The following PLAA variants were observed in gnomAD, a reference collection of about 807,000 sequenced individuals.
PLAA encodes phospholipase A-2-activating protein.
PLAA carries 48 observed loss-of-function variants against 84.1 expected under a neutral mutation model. The ratio of observed to expected loss-of-function variants is 0.57; its 90% CI spans 0.45 to 0.73. The LOEUF (loss-of-function observed/expected upper bound fraction) is 0.73, where lower values mean the gene tolerates loss of function less well. PLAA is among the 30% of genes least tolerant of loss of function. The probability of loss-of-function intolerance (pLI) is 0.00; values close to 1 mark genes in which losing one functional copy is unlikely to be tolerated. For missense variants in PLAA, 903 were observed against 954.7 expected (o/e 0.95, Z 0.71); for synonymous variants, 392 against 336.6 (o/e 1.16, Z -1.80).
Position 26,905,663 on chromosome 9 carries a change from G to C in PLAA, c.2236C>G (p.Leu746Val). The change falls in exon 14 of 14, where the codon CTT (leucine) becomes GTT (valine). Residue 746 changes from leucine (L) to valine (V), a missense_variant. By Grantham distance (32) the Leu-to-Val change is conservative. Coordinates refer to ENST00000397292, the MANE Select transcript of PLAA (RefSeq NM_001031689.3). ...CTGATAAGTGTTCCAAGAGCCACAA[G>C]AAGTCTAAAAGTGGCTTCTAGGTCT... is the stretch of plus-strand genomic sequence containing the variant. The part of the protein sequence containing the change: ...VQDLEATFRL[L>V]VALGTLISDD... The C allele has an allele frequency of 5.6e-6, 9 of 1,614,200 alleles. No homozygotes were observed. The highest frequency in any genetic ancestry group is 7.6e-6 in the Non-Finnish European group (9 of 1,180,016).
At chr9:26,930,261 C>G (rs539432015) in intron 2 of PLAA, among the ~76,000 whole-genome samples, 228 of 152,054 alleles carry the variant, frequency 1.5e-3, no homozygotes, top group Middle Eastern at 3.4e-3. Context: ...CCCGCCACCA[C>G]GCCCAGCTAA....
chr9:26,935,378 T>A (rs532623864), intron 1 of PLAA, among the ~76,000 whole-genome samples, 172 bp from the exon 2 acceptor site: 2 of 152,174 alleles, frequency 1.3e-5, no homozygotes, highest in East Asian at 3.8e-4. Flanking sequence ...TGAACTACTA[T>A]AGAGAATTAC....
chr9:26,944,551 G>A (rs113587065), intron 1 of PLAA, among the ~76,000 whole-genome samples: 255 of 152,102 alleles, frequency 1.7e-3, no homozygotes, highest in African/African-American at 5.8e-3. Context: ...CTTTGGCCAC[G>A]CATAAAATAC....
intron 1 of PLAA, among the ~76,000 whole-genome samples, chr9:26,936,969 C>A (rs546861151): frequency 6.6e-6 from 1 of 151,940 alleles, no homozygotes; most frequent in Non-Finnish European, 1.5e-5. Flanking sequence ...GGTGAAACCC[C>A]GTCTCTACTA....
At chr9:26,943,745 G>C (rs896377701) in intron 1 of PLAA, among the ~76,000 whole-genome samples, 2 of 152,048 alleles carry the variant, frequency 1.3e-5, no homozygotes, top group East Asian at 3.9e-4. Flanking sequence ...CCAGGAGTTT[G>C]AGACCAGCCT....
chr9:26,946,171 C>T (rs907605220), intron 1 of PLAA, among the ~76,000 whole-genome samples: 4 of 152,190 alleles, frequency 2.6e-5, no homozygotes, highest in African/African-American at 9.7e-5. Context: ...TTTCTCTGAA[C>T]TGCAATCTGT....
At chr9:26,942,632 G>C (rs977032453) in intron 1 of PLAA, among the ~76,000 whole-genome samples, 27 of 152,190 alleles carry the variant, frequency 1.8e-4, no homozygotes, top group East Asian at 7.7e-4. Context: ...CCTGTAATCC[G>C]AGCACTTTGG....
At chr9:26,933,139 G>A (rs563907211) in intron 2 of PLAA, among the ~76,000 whole-genome samples, 12 of 152,140 alleles carry the variant, frequency 7.9e-5, no homozygotes, top group South Asian at 4.1e-4. Flanking sequence ...GTGGTGGCGC[G>A]CGCCTGTAGT....
chr9:26,913,674 C>T (rs912835640), intron 11 of PLAA, among the ~76,000 whole-genome samples: 5 of 152,050 alleles, frequency 3.3e-5, no homozygotes, highest in South Asian at 2.1e-4. Flanking sequence ...GGCTGAAGTA[C>T]GTTTGCAAAG....
intron 13 of PLAA, among the ~76,000 whole-genome samples, chr9:26,906,412 C>T (rs1301507231): frequency 6.9e-6 from 1 of 145,296 alleles, no homozygotes; most frequent in Non-Finnish European, 1.5e-5. Flanking sequence ...AACAATTAAA[C>T]AGGGAAAGTT....
In PLAA at chr9:26,904,984, A is replaced by G. The variant is rs528552411; in HGVS notation, c.*527T>C. On this transcript the variant is annotated 3_prime_UTR_variant, in exon 14 of 14. Transcript: ENST00000397292. The stretch of plus-strand genomic sequence containing the variant: ...ATACTTTAGGATTTATAAATGACAA[A>G]TCAAGAAATTATCTTATATTGTTTT... The G allele has an allele frequency of 2.1e-3, 312 of 152,098 alleles. 1 individual carries two copies. The highest frequency in any genetic ancestry group is 7.3e-3 in the African/African-American group (302 of 41,570). The allele number at this position is 152,098 out of a possible 1,614,324, so 9.4% of individuals were successfully genotyped here. A position where few individuals can be genotyped will look rare whatever the true frequency, so the allele number is the denominator to read the frequency against.
chr9:26,942,872 CGTCT>C (rs1343392211), intron 1 of PLAA, among the ~76,000 whole-genome samples: 1 of 91,744 alleles, frequency 1.1e-5, no homozygotes, highest in East Asian at 3.5e-4. Flanking sequence ...GAGCGAGACT[CGTCT>C]CAAAAAAAAA....
At chr9:26,914,590 AAAGT>A (rs1011488678) in intron 10 of PLAA, among the ~76,000 whole-genome samples, 212 of 152,170 alleles carry the variant, frequency 1.4e-3, no homozygotes, top group African/African-American at 4.9e-3. Flanking sequence ...CAAAAAAAAA[AAAGT>A]AAGATTAATT....
intron 8 of PLAA, 39 bp from the exon 9 acceptor site, chr9:26,919,568 T>C: frequency 9.5e-7 from 1 of 1,051,008 alleles, no homozygotes; most frequent in Non-Finnish European, 1.5e-6. Flanking sequence ...ATGCTTATTA[T>C]CTGTTCACAT....
At chr9:26,930,558 TACTC>T (rs1294173349) in intron 2 of PLAA, among the ~76,000 whole-genome samples, 7 of 151,436 alleles carry the variant, frequency 4.6e-5, no homozygotes, top group Non-Finnish European at 1.5e-5. Context: ...TAATGAGAAA[TACTC>T]ATATGTTACA....
intron 1 of PLAA, among the ~76,000 whole-genome samples, chr9:26,941,332 G>C (rs1825533632): frequency 6.6e-6 from 1 of 152,090 alleles, no homozygotes; most frequent in Admixed American, 6.6e-5. Flanking sequence ...TGAAGAATGT[G>C]TATATTCCTA....
At chr9:26,922,608 TTC>T (rs547110441) in intron 7 of PLAA, among the ~76,000 whole-genome samples, 2 of 152,270 alleles carry the variant, frequency 1.3e-5, no homozygotes, top group South Asian at 4.1e-4. Flanking sequence ...GACTACGGTC[TTC>T]TGATTTCAAA....
intron 12 of PLAA, among the ~76,000 whole-genome samples, chr9:26,909,318 T>G (rs1302617648): frequency 6.6e-6 from 1 of 152,146 alleles, no homozygotes; most frequent in Admixed American, 6.5e-5. Context: ...ACCTGTTAGA[T>G]TTTCACAAGT....
At chr9:26,944,083 G>C (rs59100252) in intron 1 of PLAA, among the ~76,000 whole-genome samples, 10,423 of 152,214 alleles carry the variant, frequency 0.068, 409 homozygotes, top group Middle Eastern at 0.16. Context: ...TAGATCAAGA[G>C]GGTTCTGCCG....
Sources: gnomAD v4.1 joint callset for allele counts (sites outside exome capture counted in the v4.1 genomes callset) on GRCh38, gnomAD v4.1.1 for gene constraint, MANE v1.5 for transcripts, NCBI Gene and HGNC (gene_info 2026-07-23, HGNC 2026-07-21) for gene names.